The following CLIC2 variants were observed in gnomAD, a reference collection of about 807,000 sequenced individuals.
CLIC2 encodes the protein chloride intracellular channel protein 2.
In CLIC2, 9 loss-of-function variants were observed where a neutral mutation model predicts 14.8. That is an observed-to-expected ratio of 0.61 (90% CI 0.37 to 1.06). The LOEUF (loss-of-function observed/expected upper bound fraction) is 1.06. Among genes scored for constraint, CLIC2 ranks in the 50% least tolerant of loss-of-function variants. The probability of loss-of-function intolerance (pLI) is 0.01; values close to 1 mark genes in which losing one functional copy is unlikely to be tolerated. For missense variants in CLIC2, 148 were observed against 181.4 expected (o/e 0.82, Z 1.06); for synonymous variants, 61 against 66.3 (o/e 0.92, Z 0.39).
chrX:155,307,340 CAG>C (rs1380953592), intron 1 of CLIC2, among the ~76,000 whole-genome samples: 1 of 110,412 alleles, frequency 9.1e-6, no homozygotes, highest in Non-Finnish European at 1.9e-5. Flanking sequence ...GCATTCTAAA[CAG>C]GGAATAACAT....
At chrX:155,291,968 A>AC (rs2074967655) in intron 3 of CLIC2, among the ~76,000 whole-genome samples, 1 of 111,950 alleles carries the variant, frequency 8.9e-6, no homozygotes, top group Admixed American at 9.4e-5. Context: ...CGACCCAGCC[A>AC]CCCCCGGAGC....
At chrX:155,287,347 C>T (rs1039597487) in intron 3 of CLIC2, among the ~76,000 whole-genome samples, 2 of 109,867 alleles carry the variant, frequency 1.8e-5, no homozygotes, top group Non-Finnish European at 3.8e-5. Context: ...TTCTTTTTTT[C>T]TTTTGAGACA....
intron 1 of CLIC2, among the ~76,000 whole-genome samples, chrX:155,324,045 C>T (rs1557322031): frequency 8.9e-6 from 1 of 111,918 alleles, no homozygotes; most frequent in East Asian, 2.8e-4. Flanking sequence ...AATGGAAAAA[C>T]ATTCCATGCT....
chrX:155,294,016 C>A (rs1427900661), intron 3 of CLIC2, among the ~76,000 whole-genome samples: 1 of 111,560 alleles, frequency 9.0e-6, no homozygotes, highest in Non-Finnish European at 1.9e-5. Context: ...GACAGAAAAT[C>A]AACAAATAAA....
At chrX:155,323,713 A>G (rs1157023715) in intron 1 of CLIC2, among the ~76,000 whole-genome samples, 1 of 112,165 alleles carries the variant, frequency 8.9e-6, no homozygotes, top group East Asian at 2.8e-4. Context: ...AATAAAGCAT[A>G]TACAAATAGG....
chrX:155,299,292 G>T, intron 1 of CLIC2, 147 bp from the exon 2 acceptor site: 2 of 461,970 alleles, frequency 4.3e-6, no homozygotes, highest in Non-Finnish European at 7.6e-6. Flanking sequence ...AGAGATATAG[G>T]GAAGCAAATA....
In CLIC2 at chrX:155,277,799, A is replaced by T; in HGVS notation, c.*104T>A. 1.5e-6 allele frequency: 1 copy of T among 686,044 alleles called. No individual in the cohort carries two copies. Among genetic ancestry groups the T allele is most frequent in the Non-Finnish European group, 2.3e-6 (1 of 435,176 alleles). 56.5% of individuals were successfully genotyped at this position (686,044 alleles called of 1,213,427 possible). On this transcript the variant is annotated 3_prime_UTR_variant, in exon 6 of 6. Transcript: ENST00000369449. Reference sequence around the variant, plus strand: ...GTTCCTTTTCATAAGAGAGTTGGATAGAAGAAACAGTATTTTTCATATTCT... The same window carrying T: ...GTTCCTTTTCATAAGAGAGTTGGATTGAAGAAACAGTATTTTTCATATTCT...
chrX:155,298,976 A>G (rs2075004979), intron 2 of CLIC2, 60 bp downstream of exon 2: 2 of 1,168,134 alleles, frequency 1.7e-6, no homozygotes, highest in Non-Finnish European at 2.3e-6. Context: ...AAACACCAAT[A>G]TTTTATTGGT....
chrX:155,325,671 A>G (rs782134295), intron 1 of CLIC2, among the ~76,000 whole-genome samples: 1 of 102,892 alleles, frequency 9.7e-6, no homozygotes, highest in East Asian at 3.1e-4. Context: ...GGGTGCAGCA[A>G]ACCACCATGG....
rs1321651163 is a variant in CLIC2 at position 155,303,098 on chromosome X, C to G, written c.58-3953G>C. Among the ~76,000 whole-genome samples, 3 of 96,346 alleles carry G rather than the reference C, an allele frequency of 3.1e-5. No homozygotes were observed. In the East Asian group the frequency reaches 1.0e-3, roughly 33 times the overall value. The allele number at this position is 96,346 out of a possible 115,157, so 83.7% of individuals were successfully genotyped here. On this transcript the variant is annotated intron_variant, in intron 1 of 5. Transcript: ENST00000369449. ...AGTTCTGTAGATGTCTATTAGGTCCCCTTGGTGCAGAGCCGAGTTCAATTC... is the reference window on the plus strand; with the variant it reads ...AGTTCTGTAGATGTCTATTAGGTCCGCTTGGTGCAGAGCCGAGTTCAATTC...
Position 155,299,024 on chromosome X carries a change from G to T in CLIC2, c.167+12C>A. On this transcript the variant is annotated intron_variant, in intron 2 of 5. Coordinates refer to ENST00000369449, the MANE Select transcript of CLIC2 (RefSeq NM_001289.6). ...CAATTCCTAGAATTTAACATGTCCT[G>T]ATTTCTCTTACCTGGTCATGTCAAC... is the stretch of plus-strand genomic sequence containing the variant. 1 of 1,189,177 alleles carries T rather than the reference G, an allele frequency of 8.4e-7. No homozygotes were observed. Among genetic ancestry groups the T allele is most frequent in the Non-Finnish European group, 1.1e-6 (1 of 875,389 alleles).
intron 1 of CLIC2, 144 bp from the exon 2 acceptor site, chrX:155,299,289 T>C (rs1467553537): frequency 8.5e-6 from 4 of 468,492 alleles, no homozygotes; most frequent in African/African-American, 7.2e-5. Flanking sequence ...CAGAGAGATA[T>C]AGGGAAGCAA....
intron 1 of CLIC2, among the ~76,000 whole-genome samples, chrX:155,313,226 G>A (rs1477048695): frequency 2.9e-5 from 3 of 103,424 alleles, no homozygotes; most frequent in Admixed American, 1.0e-4. Flanking sequence ...CAAAACTACT[G>A]TCAAAGTTGC....
At chrX:155,290,458 T>C in intron 3 of CLIC2, 1 of 514,389 alleles carries the variant, frequency 1.9e-6, no homozygotes, top group Non-Finnish European at 3.5e-6. Flanking sequence ...ACAAAGGAAG[T>C]CTGAAGTCAA....
rs782774648 is a variant in CLIC2, at chrX:155,278,041, G to A, written c.606C>T (p.Asp202=). Residue 202 remains aspartate (D), a synonymous_variant, in exon 6 of 6, where the codon GAC becomes GAT. Transcript: ENST00000369449. ...CTGAGAATTCTGCTGGAATGTCAAA[G>A]TCACGATATTTCTTGGCAGCAACCT... The part of the protein sequence containing the change: ...IIKVAAKKYR[D]FDIPAEFSGV... 1 of 1,211,123 alleles carries A rather than the reference G, an allele frequency of 8.3e-7. No individual in the cohort carries two copies. Among genetic ancestry groups the A allele is most frequent in the South Asian group, 1.8e-5 (1 of 56,957 alleles).
intron 1 of CLIC2, among the ~76,000 whole-genome samples, chrX:155,320,238 C>T (rs1407861042): frequency 8.9e-6 from 1 of 112,237 alleles, no homozygotes; most frequent in African/African-American, 3.2e-5. Flanking sequence ...TCAAGTGGGT[C>T]CCTGACCCCC....
At chrX:155,278,633 G>A (rs933391977) in intron 5 of CLIC2, among the ~76,000 whole-genome samples, 22 of 112,388 alleles carry the variant, frequency 2.0e-4, no homozygotes, top group African/African-American at 5.8e-4. Context: ...TTCTGATTTA[G>A]AAAGAAAGAA....
At chrX:155,303,972 C>T (rs1197046069) in intron 1 of CLIC2, among the ~76,000 whole-genome samples, 10 of 106,894 alleles carry the variant, frequency 9.4e-5, no homozygotes, top group African/African-American at 3.1e-4. Flanking sequence ...ATGGGCTTCC[C>T]TTTGAGGGTA....
chrX:155,297,792 C>T (rs1557318509), intron 3 of CLIC2, among the ~76,000 whole-genome samples: 1 of 90,273 alleles, frequency 1.1e-5, no homozygotes, highest in African/African-American at 4.3e-5. Flanking sequence ...ACCCGAGAGG[C>T]GGAGCTTGCA....
Sources: gnomAD v4.1 joint callset for allele counts (sites outside exome capture counted in the v4.1 genomes callset) on GRCh38, gnomAD v4.1.1 for gene constraint, MANE v1.5 for transcripts, NCBI Gene and HGNC (gene_info 2026-07-23, HGNC 2026-07-21) for gene names.